GUCY1A2: variants seen among roughly 807,000 people sequenced by gnomAD.
GUCY1A2 encodes the protein guanylate cyclase soluble subunit alpha-2.
In GUCY1A2, 27 loss-of-function variants were observed where a neutral mutation model predicts 63.5. The observed-to-expected ratio is 0.43, with a 90% confidence interval of 0.31 to 0.59. GUCY1A2 has a LOEUF of 0.59. Among genes scored for constraint, GUCY1A2 ranks in the 20% least tolerant of loss-of-function variants. The pLI is 0.11. For synonymous variants in GUCY1A2, 364 were observed against 343.5 expected, an observed-to-expected ratio of 1.06 and a Z score of -0.66; for missense variants, 768 against 913.3, an observed-to-expected ratio of 0.84 and a Z score of 2.05.
chr11:106,749,153 T>C (rs1356566361), intron 6 of GUCY1A2, among the ~76,000 whole-genome samples: 1 of 152,086 alleles, frequency 6.6e-6, no homozygotes, highest in Non-Finnish European at 1.5e-5. Context: ...CTAGGAGGAC[T>C]AGGCTGTATC....
intron 6 of GUCY1A2, among the ~76,000 whole-genome samples, chr11:106,728,524 T>C (rs904552676): frequency 6.6e-6 from 1 of 152,190 alleles, no homozygotes; most frequent in African/African-American, 2.4e-5. Flanking sequence ...TATCTAAGAA[T>C]GAGACAGAAC....
intron 6 of GUCY1A2, among the ~76,000 whole-genome samples, chr11:106,714,883 G>C (rs1034462263): frequency 3.3e-5 from 5 of 152,112 alleles, no homozygotes; most frequent in Non-Finnish European, 1.5e-5. Flanking sequence ...CAGACCTCTA[G>C]CAACCTATTA....
At chr11:106,888,315 AT>A (rs1859926864) in intron 4 of GUCY1A2, among the ~76,000 whole-genome samples, 1 of 150,106 alleles carries the variant, frequency 6.7e-6, no homozygotes, top group East Asian at 1.9e-4. Context: ...AAAAAAAAAA[AT>A]TAGCCGGGCG....
At chr11:106,701,048 G>A (rs1259347099) in intron 7 of GUCY1A2, among the ~76,000 whole-genome samples, 2 of 151,948 alleles carry the variant, frequency 1.3e-5, no homozygotes, top group East Asian at 3.9e-4. Flanking sequence ...TATACCCAAG[G>A]AATGTCATCA....
chr11:106,856,269 G>A (rs1051573963), intron 4 of GUCY1A2, among the ~76,000 whole-genome samples: 7 of 151,936 alleles, frequency 4.6e-5, no homozygotes, highest in East Asian at 3.9e-4. Flanking sequence ...CAGCCTGGGC[G>A]ACAGAACAAG....
intron 6 of GUCY1A2, among the ~76,000 whole-genome samples, chr11:106,710,246 G>T (rs1229749158): frequency 2.0e-3 from 20 of 9,884 alleles, no homozygotes; most frequent in African/African-American, 9.2e-3. Flanking sequence ...ATAATATATA[G>T]TTATATATTA....
At chr11:106,804,350 A>C (rs905648921) in intron 5 of GUCY1A2, among the ~76,000 whole-genome samples, 2 of 152,216 alleles carry the variant, frequency 1.3e-5, no homozygotes, top group African/African-American at 4.8e-5. Context: ...ATTAAAAGAG[A>C]AAATATGTAA....
chr11:106,978,790 C>T (rs367791417), intron 2 of GUCY1A2, 50 bp from the exon 3 acceptor site: 26 of 1,395,958 alleles, frequency 1.9e-5, no homozygotes, highest in East Asian at 9.2e-5. Flanking sequence ...AAAGCATCTG[C>T]GAATGCAACT....
At chr11:106,919,316 A>G (rs1275736221) in intron 4 of GUCY1A2, among the ~76,000 whole-genome samples, 1 of 152,162 alleles carries the variant, frequency 6.6e-6, no homozygotes, top group Non-Finnish European at 1.5e-5. Flanking sequence ...CAGCATGATG[A>G]CTATAGTTAA....
At chr11:107,006,170 C>T (rs1356636507) in intron 1 of GUCY1A2, among the ~76,000 whole-genome samples, 1 of 152,192 alleles carries the variant, frequency 6.6e-6, no homozygotes, top group Admixed American at 6.5e-5. Flanking sequence ...TGCAAATCTC[C>T]TCTTTTCCCA....
intron 3 of GUCY1A2, among the ~76,000 whole-genome samples, chr11:106,953,809 TA>T (rs1411128812): frequency 1.3e-5 from 2 of 152,214 alleles, no homozygotes; most frequent in East Asian, 3.9e-4. Flanking sequence ...TTTATTTGCG[TA>T]AAGGTGTTTA....
chr11:106,993,476 C>A (rs1051147239), intron 1 of GUCY1A2, among the ~76,000 whole-genome samples: 2 of 151,970 alleles, frequency 1.3e-5, no homozygotes, highest in Non-Finnish European at 2.9e-5. Context: ...GATATCCAGA[C>A]ATAATGTTTA....
chr11:106,952,994 C>T (rs894302324), intron 3 of GUCY1A2, among the ~76,000 whole-genome samples: 3 of 152,142 alleles, frequency 2.0e-5, no homozygotes, highest in African/African-American at 4.8e-5. Flanking sequence ...ACTTGACTTC[C>T]TCTCTTCTTG....
intron 4 of GUCY1A2, among the ~76,000 whole-genome samples, chr11:106,917,637 T>G (rs1247446460): frequency 7.0e-6 from 1 of 143,758 alleles, no homozygotes; most frequent in African/African-American, 2.5e-5. Flanking sequence ...GTTCATGTCC[T>G]TTGTAGGGAC....
intron 6 of GUCY1A2, among the ~76,000 whole-genome samples, chr11:106,747,156 T>A (rs1863803960): frequency 1.3e-5 from 2 of 152,084 alleles, no homozygotes; most frequent in Non-Finnish European, 1.5e-5. Context: ...CTCAGCTATT[T>A]TTTTTGTATT....
At chr11:106,802,499 G>A (rs1325947726) in intron 5 of GUCY1A2, among the ~76,000 whole-genome samples, 2 of 152,162 alleles carry the variant, frequency 1.3e-5, no homozygotes, top group East Asian at 1.9e-4. Context: ...GAACTTACTA[G>A]AGACTTGTAT....
chr11:106,837,701 A>G (rs949307514), intron 4 of GUCY1A2, among the ~76,000 whole-genome samples: 4 of 151,976 alleles, frequency 2.6e-5, no homozygotes, highest in East Asian at 3.9e-4. Context: ...AAGAATCTAT[A>G]TAAGTGAACC....
chr11:106,818,597 C>T (rs759541110), intron 4 of GUCY1A2, among the ~76,000 whole-genome samples: 3 of 152,058 alleles, frequency 2.0e-5, no homozygotes, highest in Admixed American at 6.6e-5. Context: ...AGTTGCAGGG[C>T]TCTCACTTTA....
intron 5 of GUCY1A2, among the ~76,000 whole-genome samples, chr11:106,792,671 C>CA (rs36056595): frequency 0.49 from 73,906 of 151,896 alleles, 18,453 homozygotes; most frequent in African/African-American, 0.58. Flanking sequence ...ACTGAATGGG[C>CA]AAAAGCTGGA....
Sources: gnomAD v4.1 joint callset for allele counts (sites outside exome capture counted in the v4.1 genomes callset) on GRCh38, gnomAD v4.1.1 for gene constraint, MANE v1.5 for transcripts, NCBI Gene and HGNC (gene_info 2026-07-23, HGNC 2026-07-21) for gene names.